MAPKAP1: variants seen among roughly 807,000 people sequenced by gnomAD.
MAPKAP1 encodes the protein MAPK associated protein 1, also known as target of rapamycin complex 2 subunit MAPKAP1.
A neutral mutation model predicts 65.7 loss-of-function variants in MAPKAP1; 20 were observed. The ratio of observed to expected loss-of-function variants is 0.30; its 90% CI spans 0.21 to 0.44. MAPKAP1 has a LOEUF of 0.44. Among genes scored for constraint, MAPKAP1 ranks in the 20% least tolerant of loss-of-function variants. The pLI is 1.00. For synonymous variants in MAPKAP1, 222 were observed against 244.3 expected, an observed-to-expected ratio of 0.91 and a Z score of 0.85; for missense variants, 423 against 648.0, an observed-to-expected ratio of 0.65 and a Z score of 3.77.
intron 1 of MAPKAP1, among the ~76,000 whole-genome samples, chr9:125,693,470 TACAC>T (rs572578988): frequency 6.7e-6 from 1 of 148,704 alleles, no homozygotes; most frequent in Non-Finnish European, 1.5e-5. Context: ...CATGTATATA[TACAC>T]ACACATATAC....
chr9:125,447,740 C>A lies in MAPKAP1; in HGVS notation c.1346-3142G>T, dbSNP rs1007962588. 4.6e-5 allele frequency among the ~76,000 whole-genome samples: 7 copies of A among 151,932 alleles called. No homozygotes were observed. Among genetic ancestry groups the A allele is most frequent in the African/African-American group, 1.7e-4 (7 of 41,348 alleles). On this transcript the variant is annotated intron_variant, in intron 10 of 11. Transcript: ENST00000265960. The surrounding 1 kb of genome is among the most constrained non-coding windows in gnomAD (Gnocchi z 4.5). ...TAAACGCAGGGAGCTGCCGTGGAGA[C>A]ACCAAGGCAGAAGCACCTGGCCAGA...
At chr9:125,594,168 C>A (rs948179589) in intron 4 of MAPKAP1, among the ~76,000 whole-genome samples, 1 of 152,192 alleles carries the variant, frequency 6.6e-6, no homozygotes, top group East Asian at 1.9e-4. Flanking sequence ...CAATCTCCAA[C>A]TATTTCTTTA....
At chr9:125,507,670 A>C (rs895242813) in intron 7 of MAPKAP1, among the ~76,000 whole-genome samples, 4 of 152,216 alleles carry the variant, frequency 2.6e-5, no homozygotes, top group Admixed American at 2.0e-4. Flanking sequence ...GAATTCTTAC[A>C]TACATTCAGT....
chr9:125,602,050 C>A (rs922303360), intron 4 of MAPKAP1, among the ~76,000 whole-genome samples: 1 of 151,990 alleles, frequency 6.6e-6, no homozygotes, highest in African/African-American at 2.4e-5. Flanking sequence ...GCCCAGGAGT[C>A]GAGACCAGCC....
chr9:125,509,036 C>T (rs1829225407), intron 7 of MAPKAP1, among the ~76,000 whole-genome samples: 1 of 151,760 alleles, frequency 6.6e-6, no homozygotes. Context: ...TATAAAAATA[C>T]AAATTATAAT....
chr9:125,454,101 G>A (rs1482203038), intron 10 of MAPKAP1, among the ~76,000 whole-genome samples: 2 of 152,192 alleles, frequency 1.3e-5, no homozygotes, highest in Non-Finnish European at 2.9e-5. Context: ...TTAAACAAGT[G>A]CTATTCCTTG....
At chr9:125,551,712 T>C (rs1830590426) in intron 6 of MAPKAP1, among the ~76,000 whole-genome samples, 1 of 152,134 alleles carries the variant, frequency 6.6e-6, no homozygotes, top group Non-Finnish European at 1.5e-5. Context: ...GGCATGAAAC[T>C]TTAATGTCAA....
At chr9:125,606,423 C>T (rs1832440998) in intron 4 of MAPKAP1, among the ~76,000 whole-genome samples, 3 of 152,112 alleles carry the variant, frequency 2.0e-5, no homozygotes, top group Non-Finnish European at 2.9e-5. Context: ...AGACCTAGAC[C>T]CTTAAGCAAG....
intron 5 of MAPKAP1, among the ~76,000 whole-genome samples, chr9:125,579,933 GAAC>G (rs1375748423): frequency 2.6e-5 from 4 of 152,148 alleles, no homozygotes; most frequent in Non-Finnish European, 2.9e-5. Flanking sequence ...TCGAAATATG[GAAC>G]AACTATTTAA....
chr9:125,668,903 G>C (rs1455658143), intron 3 of MAPKAP1, among the ~76,000 whole-genome samples: 1 of 152,234 alleles, frequency 6.6e-6, no homozygotes, highest in Non-Finnish European at 1.5e-5. Context: ...TATCACAGGG[G>C]CTGGGCGCAG....
Position 125,447,869 on chromosome 9 carries a change from G to A in MAPKAP1, c.1346-3271C>T, listed in dbSNP as rs1471629236. ...CTGGGTAAAGGTGAGGGTGGAGAAG[G>A]GTGAAAAAGAGGAAGATGCCACAGG... On this transcript the variant is annotated intron_variant, in intron 10 of 11. Transcript: ENST00000265960. The surrounding 1 kb of genome is among the most constrained non-coding windows in gnomAD (Gnocchi z 4.5). 6.6e-6 allele frequency among the ~76,000 whole-genome samples: 1 copy of A among 152,180 alleles called. No individual in the cohort carries two copies. The highest frequency in any genetic ancestry group is 1.5e-5 in the Non-Finnish European group (1 of 68,034).
chr9:125,693,806 TAC>T, intron 1 of MAPKAP1, among the ~76,000 whole-genome samples: 1 of 133,332 alleles, frequency 7.5e-6, no homozygotes, highest in Non-Finnish European at 1.7e-5. Context: ...CACATATATA[TAC>T]ACACACATAT....
rs142810777 is a variant in MAPKAP1, at chr9:125,607,758, C to T, written c.499-22031G>A. 1.3e-3 allele frequency among the ~76,000 whole-genome samples: 197 copies of T among 152,270 alleles called. 1 individual carries two copies. Among genetic ancestry groups the T allele is most frequent in the African/African-American group, 4.6e-3 (190 of 41,556 alleles). Reference sequence around the variant, plus strand: ...GCAACCTCCGCCTCCCGGGTTCAAGCGATTCTCCTGCCTCAGCCTCCCAAG... The same window carrying T: ...GCAACCTCCGCCTCCCGGGTTCAAGTGATTCTCCTGCCTCAGCCTCCCAAG... On this transcript the variant is annotated intron_variant, in intron 4 of 11. Coordinates refer to ENST00000265960, the MANE Select transcript of MAPKAP1 (RefSeq NM_001006617.3).
intron 4 of MAPKAP1, among the ~76,000 whole-genome samples, chr9:125,589,244 C>T (rs964852140): frequency 5.3e-5 from 8 of 152,208 alleles, no homozygotes; most frequent in Admixed American, 3.3e-4. Flanking sequence ...TTCTCTCACA[C>T]ATGTCCTGTT....
intron 7 of MAPKAP1, among the ~76,000 whole-genome samples, chr9:125,534,216 CTATATG>C (rs969488546): frequency 6.6e-6 from 1 of 151,976 alleles, no homozygotes; most frequent in African/African-American, 2.4e-5. Flanking sequence ...AATGTATAAC[CTATATG>C]TATATCTGTA....
chr9:125,693,456 CAT>C lies in MAPKAP1; in HGVS notation c.-70+13513_-70+13514del, dbSNP rs1196108875. On this transcript the variant is annotated intron_variant, in intron 1 of 11. Transcript: ENST00000265960. The stretch of plus-strand genomic sequence containing the variant: ...ATATATATATATACACACACACACA[CAT>C]ACATGTATATATACACACACATATA... Among the ~76,000 whole-genome samples, 730 of 149,080 alleles carry C rather than the reference CAT, an allele frequency of 4.9e-3. 2 individuals are homozygous for C. The highest frequency in any genetic ancestry group is 0.017 in the African/African-American group (680 of 40,440).
chr9:125,644,081 T>G (rs1312533762), intron 4 of MAPKAP1, among the ~76,000 whole-genome samples: 1 of 152,222 alleles, frequency 6.6e-6, no homozygotes, highest in African/African-American at 2.4e-5. Flanking sequence ...GCATTCAGCC[T>G]TCCCCAAAAG....
At chr9:125,473,078 CTT>C (rs77182446) in intron 9 of MAPKAP1, among the ~76,000 whole-genome samples, 43 of 133,196 alleles carry the variant, frequency 3.2e-4, no homozygotes, top group Admixed American at 3.7e-4. Flanking sequence ...TTCAGCAGAA[CTT>C]TTTTTTTTTT....
chr9:125,462,486 G>GCC (rs1564519530), intron 10 of MAPKAP1, among the ~76,000 whole-genome samples: 2 of 152,260 alleles, frequency 1.3e-5, no homozygotes, highest in African/African-American at 4.8e-5. Flanking sequence ...GGTGGATTAA[G>GCC]ACAGCCTCTG....
Sources: allele counts gnomAD v4.1 joint callset (sites outside exome capture counted in the v4.1 genomes callset), GRCh38; gene constraint gnomAD v4.1.1; non-coding constraint Gnocchi (gnomAD v3.1); transcripts MANE v1.5; gene names NCBI Gene and HGNC (gene_info 2026-07-23, HGNC 2026-07-21).